Variants in POC1A observed in about 807,000 individuals in gnomAD.
POC1A encodes POC1 centriolar protein A.
Under a neutral mutation model 47.8 loss-of-function variants are expected in POC1A, and 34 were observed. The ratio of observed to expected loss-of-function variants is 0.71; its 90% confidence interval spans 0.54 to 0.95. The LOEUF (loss-of-function observed/expected upper bound fraction) is 0.95, where lower values mean the gene tolerates loss of function less well. POC1A is among the 40% of genes least tolerant of loss of function. The pLI, the probability that POC1A is intolerant of heterozygous loss-of-function variation, is 0.00. For missense variants in POC1A, 466 were observed against 528.3 expected, an observed-to-expected ratio of 0.88 and a Z score of 1.16; for synonymous variants, 177 against 207.6, an observed-to-expected ratio of 0.85 and a Z score of 1.27.
At chr3:52,087,835 G>A (rs1214288813) in intron 10 of POC1A, among the ~76,000 whole-genome samples, 2 of 152,176 alleles carry the variant, frequency 1.3e-5, no homozygotes, top group African/African-American at 4.8e-5. Flanking sequence ...CTGACACTGG[G>A]GTGGGTTCAA....
At chr3:52,115,325 A>C (rs1433730849) in intron 9 of POC1A, among the ~76,000 whole-genome samples, 1 of 152,180 alleles carries the variant, frequency 6.6e-6, no homozygotes, top group African/African-American at 2.4e-5. Flanking sequence ...ATTGGGGTCA[A>C]GTGGAGAAGG....
intron 6 of POC1A, among the ~76,000 whole-genome samples, chr3:52,141,711 G>A (rs549910990): frequency 1.6e-4 from 25 of 152,216 alleles, no homozygotes; most frequent in African/African-American, 4.8e-4. Flanking sequence ...CCCTCCGGCC[G>A]GGCATGGTGA....
intron 10 of POC1A, among the ~76,000 whole-genome samples, chr3:52,089,112 C>T (rs564329394): frequency 4.5e-4 from 69 of 151,986 alleles, no homozygotes; most frequent in Admixed American, 9.2e-4. Context: ...GCCACCCAGT[C>T]CCCCTGCAAA....
chr3:52,124,121 C>A (rs1167238211), intron 8 of POC1A, among the ~76,000 whole-genome samples: 1 of 152,234 alleles, frequency 6.6e-6, no homozygotes, highest in Admixed American at 6.5e-5. Context: ...CTTTTCTAGG[C>A]TGAGCAGCCA....
At chr3:52,117,299 G>C (rs1024500153) in intron 9 of POC1A, among the ~76,000 whole-genome samples, 1 of 152,180 alleles carries the variant, frequency 6.6e-6, no homozygotes, top group African/African-American at 2.4e-5. Flanking sequence ...GCTGCAGTGA[G>C]CCACAATTGC....
intron 10 of POC1A, among the ~76,000 whole-genome samples, chr3:52,076,576 A>G (rs920721656): frequency 6.6e-6 from 1 of 152,212 alleles, no homozygotes; most frequent in African/African-American, 2.4e-5. Flanking sequence ...CTACTATAGG[A>G]TATGTCATGT....
chr3:52,082,773 T>C (rs1291425734), intron 10 of POC1A, among the ~76,000 whole-genome samples: 1 of 152,060 alleles, frequency 6.6e-6, no homozygotes, highest in Non-Finnish European at 1.5e-5. Context: ...CCCAAAGAAA[T>C]TGCACTGAAA....
intron 3 of POC1A, 73 bp from the exon 4 acceptor site, chr3:52,149,462 C>G: frequency 7.1e-7 from 1 of 1,403,294 alleles, no homozygotes; most frequent in Middle Eastern, 1.8e-4. Context: ...CATCAAAGCT[C>G]TCCTACTCCT....
chr3:52,087,482 G>T (rs951623577), intron 10 of POC1A, among the ~76,000 whole-genome samples: 1 of 152,086 alleles, frequency 6.6e-6, no homozygotes, highest in East Asian at 1.9e-4. Context: ...CCTATGGTCC[G>T]CGGTTGTTTC....
chr3:52,123,536 T>C (rs1485960750), intron 8 of POC1A, among the ~76,000 whole-genome samples: 1 of 152,250 alleles, frequency 6.6e-6, no homozygotes, highest in Non-Finnish European at 1.5e-5. Context: ...TCCTCACCAC[T>C]GTCTGAGCAG....
chr3:52,150,526 G>A (rs187013121), intron 2 of POC1A, among the ~76,000 whole-genome samples: 3 of 152,262 alleles, frequency 2.0e-5, no homozygotes, highest in East Asian at 1.9e-4. Context: ...AGCTGTGTAC[G>A]AAACCTCATG....
In POC1A at chr3:52,149,892, C is replaced by T. The variant is rs759383097; in HGVS notation, c.199G>A (p.Val67Met). 1 of 1,613,984 alleles carries T rather than the reference C, an allele frequency of 6.2e-7. No homozygotes were observed. Among genetic ancestry groups the T allele is most frequent in the East Asian group, 2.2e-5 (1 of 44,878 alleles). ...AGGTGTCCCGAAGGAGAGAAGTTCACACAGGTGACGGCATCCTTGTGGCCA... is the reference window on the plus strand; with the variant it reads ...AGGTGTCCCGAAGGAGAGAAGTTCATACAGGTGACGGCATCCTTGTGGCCA... ...FTGHKDAVTCVNFSPSGHLLA... is the reference protein window; with the variant it reads ...FTGHKDAVTCMNFSPSGHLLA... The change falls in exon 3 of 11, where the codon GTG becomes ATG. Residue 67 changes from valine (V) to methionine (M), a missense_variant. By Grantham distance (21) the Val-to-Met change is conservative. Coordinates refer to ENST00000296484, the MANE Select transcript of POC1A (RefSeq NM_015426.5).
intron 7 of POC1A, among the ~76,000 whole-genome samples, chr3:52,137,417 T>C (rs1301302566): frequency 1.3e-5 from 2 of 152,108 alleles, no homozygotes; most frequent in Non-Finnish European, 2.9e-5. Flanking sequence ...AGAGACAGAC[T>C]TGAATTCAAT....
chr3:52,103,489 A>G (rs763075067), intron 9 of POC1A, among the ~76,000 whole-genome samples: 2 of 152,202 alleles, frequency 1.3e-5, no homozygotes, highest in Non-Finnish European at 2.9e-5. Context: ...ATATGCCAAC[A>G]CATTCCAGCC....
intron 10 of POC1A, among the ~76,000 whole-genome samples, chr3:52,081,640 AG>A (rs756183398): frequency 6.6e-6 from 1 of 152,164 alleles, no homozygotes; most frequent in Non-Finnish European, 1.5e-5. Flanking sequence ...AGGGGGCCTC[AG>A]GGGAGGCAGG....
intron 6 of POC1A, among the ~76,000 whole-genome samples, chr3:52,143,869 C>T (rs1698279419): frequency 6.6e-6 from 1 of 152,200 alleles, no homozygotes; most frequent in South Asian, 2.1e-4. Context: ...ATCTTTGGGA[C>T]CCCGAGCCAG....
rs374642866 is a variant in POC1A, at chr3:52,145,880, G to A, written c.645C>T (p.Asp215=). 1.4e-5 allele frequency: 22 copies of A among 1,613,566 alleles called. No homozygotes were observed. The highest frequency in any genetic ancestry group is 6.7e-5 in the African/African-American group (5 of 74,928). ...AGMDNTVKVW[D]VRTHRLLQHY... The stretch of plus-strand genomic sequence containing the variant: ...GCTGCAGCAGCCGGTGAGTCCGCAC[G>A]TCCCACACCTTCACTGTGTTGTCCA... Residue 215 remains aspartate (D), a synonymous_variant, in exon 6 of 11, where the codon GAC becomes GAT. Coordinates refer to ENST00000296484, the MANE Select transcript of POC1A (RefSeq NM_015426.5).
In POC1A at chr3:52,122,445, A is replaced by C. The variant is rs115238307; in HGVS notation, c.915T>G (p.Val305=). 1.3e-3 allele frequency: 2,131 copies of C among 1,612,552 alleles called. 28 individuals carry two copies. The African/African-American group carries it at 0.025, about 19-fold the overall frequency. The change falls in exon 9 of 11, where the codon GTT becomes GTG. Residue 305 remains valine (V), a synonymous_variant. Coordinates refer to ENST00000296484, the MANE Select transcript of POC1A (RefSeq NM_015426.5). Reference sequence around the variant, plus strand: ...GCACTTTCGTGACTTCTCCATGATCAACAATATCAAAGTTACTCTTCCAAA... The same window carrying C: ...GCACTTTCGTGACTTCTCCATGATCCACAATATCAAAGTTACTCTTCCAAA... ...VMVWKSNFDI[V]DHGEVTKVPR...
At chr3:52,108,395 C>T (rs1417788473) in intron 9 of POC1A, among the ~76,000 whole-genome samples, 1 of 152,204 alleles carries the variant, frequency 6.6e-6, no homozygotes, top group Non-Finnish European at 1.5e-5. Flanking sequence ...GACGCCACAG[C>T]TCTCAGTGAC....
Sources: allele counts gnomAD v4.1 joint callset (sites outside exome capture counted in the v4.1 genomes callset), GRCh38; gene constraint gnomAD v4.1.1; transcripts MANE v1.5; gene names NCBI Gene and HGNC (gene_info 2026-07-23, HGNC 2026-07-21).